The following HPGD variants were observed in gnomAD, a reference collection of about 807,000 sequenced individuals.
HPGD encodes the protein 15-hydroxyprostaglandin dehydrogenase [NAD(+)].
In HPGD, 29 loss-of-function variants were observed where a neutral mutation model predicts 30.0. The ratio of observed to expected loss-of-function variants is 0.97; its 90% CI spans 0.72 to 1.32. HPGD has a LOEUF of 1.32. Among genes scored for constraint, HPGD ranks in the 40% most tolerant of loss-of-function variants. The pLI, the probability that HPGD is intolerant of heterozygous loss-of-function variation, is 0.00. For missense variants in HPGD, 340 were observed against 322.1 expected, an observed-to-expected ratio of 1.06 and a Z score of -0.43; for synonymous variants, 99 against 112.4, an observed-to-expected ratio of 0.88 and a Z score of 0.75.
intron 5 of HPGD, chr4:174,493,566 T>C (rs1224645085): frequency 7.5e-6 from 3 of 402,266 alleles, no homozygotes; most frequent in East Asian, 1.0e-4. Flanking sequence ...GAAACAATTA[T>C]GTAAGCTTCT....
At chr4:174,501,148 C>A (rs760603412) in intron 4 of HPGD, among the ~76,000 whole-genome samples, 1 of 152,020 alleles carries the variant, frequency 6.6e-6, no homozygotes, top group East Asian at 1.9e-4. Flanking sequence ...GTGTGTAAAA[C>A]CAATGGGAGG....
chr4:174,495,887 C>T lies in HPGD; in HGVS notation c.422-263G>A, dbSNP rs912966572. The T allele has an allele frequency of 1.9e-5, 9 of 464,606 alleles. No homozygotes were observed. In the Middle Eastern group the frequency reaches 2.4e-3, roughly 126 times the overall value. The allele number at this position is 464,606 out of a possible 1,614,324, so 28.8% of individuals were successfully genotyped here. A position where few individuals can be genotyped will look rare whatever the true frequency, so the allele number is the denominator to read the frequency against. On this transcript the variant is annotated intron_variant, in intron 4 of 6. Transcript: ENST00000296522. ...AGAGTTATATGTGTTTTTCTGCCTC[C>T]CCAGGCCTTCTGGAAAGTCAAGGAA...
At position 174,492,168 on chromosome 4, in the gene HPGD, G is replaced by A; in HGVS notation, c.663-74C>T. 5 of 1,382,324 alleles carry A rather than the reference G, an allele frequency of 3.6e-6. No individual in the cohort carries two copies. The highest frequency in any genetic ancestry group is 5.1e-6 in the Non-Finnish European group (5 of 978,436). The allele number at this position is 1,382,324 out of a possible 1,614,324, so 85.6% of individuals were successfully genotyped here. On this transcript the variant is annotated intron_variant, in intron 6 of 6. Transcript: ENST00000296522. This position sits in a 1 kb window ranked among gnomAD's most constrained non-coding sequence, Gnocchi z 4.9. ...ACCACTTCATTTTAAGTTATTTTCT[G>A]AAGAATCTATTAAGTTGAACATGTT...
intron 2 of HPGD, among the ~76,000 whole-genome samples, chr4:174,520,096 C>T (rs534396356): frequency 9.9e-5 from 15 of 152,228 alleles, no homozygotes; most frequent in African/African-American, 3.6e-4. Context: ...CAGAAACAAC[C>T]TTCACCTTTT....
At chr4:174,516,222 G>A (rs1735762652) in intron 3 of HPGD, among the ~76,000 whole-genome samples, 1 of 152,090 alleles carries the variant, frequency 6.6e-6, no homozygotes, top group South Asian at 2.1e-4. Context: ...ATTCACAATA[G>A]CAAAGACGGA....
chr4:174,507,925 A>T (rs1422873340), intron 4 of HPGD: 1 of 541,382 alleles, frequency 1.8e-6, no homozygotes, highest in Non-Finnish European at 3.3e-6. Context: ...GCACACAGCT[A>T]GACTGCATTT....
chr4:174,516,738 G>A (rs1026452674), intron 3 of HPGD, among the ~76,000 whole-genome samples: 8 of 152,178 alleles, frequency 5.3e-5, no homozygotes, highest in Non-Finnish European at 1.2e-4. Flanking sequence ...GAGCAATTTT[G>A]TACTCTTCTC....
chr4:174,493,213 C>A lies in HPGD; in HGVS notation c.600G>T (p.Met200Ile). The A allele has an allele frequency of 1.2e-6, 2 of 1,609,830 alleles. No individual in the cohort carries two copies. Among genetic ancestry groups the A allele is most frequent in the East Asian group, 2.2e-5 (1 of 44,776 alleles). Reference sequence around the variant, plus strand: ...GATCCTTATATTCTATATATTGTCCCATGTTTTCTTCTTTTTCAATTGATT... The same window carrying A: ...GATCCTTATATTCTATATATTGTCCAATGTTTTCTTCTTTTTCAATTGATT... ...ILESIEKEEN[M>I]GQYIEYKDHI... Residue 200 changes from methionine to isoleucine, a missense_variant, in exon 6 of 7, where the codon ATG (methionine) becomes ATT (isoleucine). Coordinates refer to ENST00000296522, the MANE Select transcript of HPGD (RefSeq NM_000860.6).
intron 2 of HPGD, among the ~76,000 whole-genome samples, chr4:174,518,646 T>G (rs898069556): frequency 1.3e-5 from 2 of 152,222 alleles, no homozygotes; most frequent in African/African-American, 4.8e-5. Flanking sequence ...TCAGTTGATT[T>G]TATTTGATTA....
At chr4:174,517,722 A>C (rs1735862499) in intron 3 of HPGD, among the ~76,000 whole-genome samples, 2 of 152,210 alleles carry the variant, frequency 1.3e-5, no homozygotes, top group African/African-American at 4.8e-5. Flanking sequence ...ATAGTCTGCC[A>C]ATCCCTGAGT....
At chr4:174,510,113 G>A (rs1405224654) in intron 3 of HPGD, among the ~76,000 whole-genome samples, 2 of 152,086 alleles carry the variant, frequency 1.3e-5, no homozygotes, top group African/African-American at 2.4e-5. Context: ...CGTCTGAAAC[G>A]GAGGTTACAC....
chr4:174,513,188 G>A lies in HPGD; in HGVS notation c.325-4396C>T, dbSNP rs142101044. 3.5e-3 allele frequency among the ~76,000 whole-genome samples: 540 copies of A among 152,212 alleles called. 2 individuals carry two copies. Among genetic ancestry groups the A allele is most frequent in the African/African-American group, 0.012 (503 of 41,538 alleles). The stretch of plus-strand genomic sequence containing the variant: ...TGTAAAAATATCTGTAGATATTACC[G>A]ATGAAGCTATTACAAATATCAGTAG... On this transcript the variant is annotated intron_variant, in intron 3 of 6. Transcript: ENST00000296522.
intron 3 of HPGD, among the ~76,000 whole-genome samples, chr4:174,513,128 C>T (rs1735594709): frequency 6.6e-6 from 1 of 152,112 alleles, no homozygotes; most frequent in African/African-American, 2.4e-5. Context: ...AGGAAGTCAC[C>T]AAATACAGGA....
intron 3 of HPGD, among the ~76,000 whole-genome samples, chr4:174,514,459 C>A (rs114815697): frequency 0.016 from 2,384 of 152,180 alleles, 32 homozygotes; most frequent in Non-Finnish European, 0.025. Flanking sequence ...TAAAATAGAA[C>A]CTTCCTTCTT....
chr4:174,498,989 T>C (rs1734778740), intron 4 of HPGD, among the ~76,000 whole-genome samples: 1 of 152,230 alleles, frequency 6.6e-6, no homozygotes, highest in Non-Finnish European at 1.5e-5. Context: ...TGATTCATTT[T>C]TCTTCTGTAG....
At chr4:174,505,563 A>G (rs543332636) in intron 4 of HPGD, among the ~76,000 whole-genome samples, 12 of 152,274 alleles carry the variant, frequency 7.9e-5, no homozygotes, top group Admixed American at 7.2e-4. Flanking sequence ...CCATTATTAC[A>G]ATATCCTGAA....
chr4:174,492,017 G>A lies in HPGD; in HGVS notation c.740C>T (p.Thr247Ile), dbSNP rs761717265. 3 of 1,609,794 alleles carry A rather than the reference G, an allele frequency of 1.9e-6. No individual in the cohort carries two copies. In the African/African-American group the frequency reaches 4.0e-5, roughly 22 times the overall value. Residue 247 changes from threonine (T) to isoleucine (I), a missense_variant, in exon 7 of 7, where the codon ACT becomes ATT. By Grantham distance (89) the Thr-to-Ile change is moderately conservative. Coordinates refer to ENST00000296522, the MANE Select transcript of HPGD (RefSeq NM_000860.6). The surrounding 1 kb of genome is among the most constrained non-coding windows in gnomAD (Gnocchi z 4.9). The part of the protein sequence containing the change: ...ALNGAIMKIT[T>I]SKGIHFQDYD... ...GTCTTGAAAATGAATTCCCTTAGAA[G>A]TTGTGATCTTCATAATAGCACCATT...
In HPGD at chr4:174,492,757, T is replaced by C. The variant is rs543872533; in HGVS notation, c.662+394A>G. On this transcript the variant is annotated intron_variant, in intron 6 of 6. Coordinates refer to ENST00000296522, the MANE Select transcript of HPGD (RefSeq NM_000860.6). The surrounding 1 kb of genome is among the most constrained non-coding windows in gnomAD (Gnocchi z 4.9). ...ATTCAGACATAATTCACTGAGAAAGTATGTGTCCATGTATGTGTGTGTATC... is the reference window on the plus strand; with the variant it reads ...ATTCAGACATAATTCACTGAGAAAGCATGTGTCCATGTATGTGTGTGTATC... Among the ~76,000 whole-genome samples, 7 of 152,054 alleles carry C rather than the reference T, an allele frequency of 4.6e-5. No individual in the cohort carries two copies. Among genetic ancestry groups the C allele is most frequent in the Admixed American group, 6.6e-5 (1 of 15,254 alleles).
At chr4:174,497,138 G>C (rs972038412) in intron 4 of HPGD, among the ~76,000 whole-genome samples, 7 of 152,130 alleles carry the variant, frequency 4.6e-5, no homozygotes, top group Admixed American at 2.0e-4. Flanking sequence ...ATGAGACAAA[G>C]GCAGTGGTTT....
Sources: allele counts gnomAD v4.1 joint callset (sites outside exome capture counted in the v4.1 genomes callset), GRCh38; gene constraint gnomAD v4.1.1; non-coding constraint Gnocchi (gnomAD v3.1); transcripts MANE v1.5; gene names NCBI Gene and HGNC (gene_info 2026-07-23, HGNC 2026-07-21).